Variants in FAM107B observed in about 807,000 individuals in gnomAD.
FAM107B encodes the protein protein FAM107B.
In FAM107B, 21 loss-of-function variants were observed where a neutral mutation model predicts 31.5. The observed-to-expected ratio is 0.67, with a 90% CI of 0.47 to 0.96. The LOEUF (loss-of-function observed/expected upper bound fraction) is 0.96, where lower values mean the gene tolerates loss of function less well. Among genes scored for constraint, FAM107B ranks in the 40% least tolerant of loss-of-function variants. The pLI is 0.00. For synonymous variants in FAM107B, 157 were observed against 141.5 expected, an observed-to-expected ratio of 1.11 and a Z score of -0.78; for missense variants, 452 against 377.1, an observed-to-expected ratio of 1.20 and a Z score of -1.64.
intron 2 of FAM107B, among the ~76,000 whole-genome samples, chr10:14,601,475 CT>C (rs1245001191): frequency 1.3e-5 from 2 of 152,150 alleles, no homozygotes; most frequent in Admixed American, 1.3e-4. Context: ...GACAAGGGAA[CT>C]ATACAAGGAA....
chr10:14,667,972 G>C (rs1030800658), intron 1 of FAM107B, among the ~76,000 whole-genome samples: 4 of 152,100 alleles, frequency 2.6e-5, no homozygotes, highest in Non-Finnish European at 4.4e-5. Context: ...CAACCCAGGG[G>C]CCCCCTGTGA....
chr10:14,563,400 T>G (rs1266195031), intron 2 of FAM107B, among the ~76,000 whole-genome samples: 1 of 152,248 alleles, frequency 6.6e-6, no homozygotes, highest in Non-Finnish European at 1.5e-5. Context: ...CACACCTCTT[T>G]TCATTTTTTA....
intron 2 of FAM107B, among the ~76,000 whole-genome samples, chr10:14,655,401 A>G (rs577959356): frequency 4.6e-5 from 7 of 152,132 alleles, no homozygotes; most frequent in African/African-American, 7.2e-5. Flanking sequence ...TTTTTTTTCT[A>G]TCTCAGCCTC....
intron 1 of FAM107B, among the ~76,000 whole-genome samples, chr10:14,702,417 G>A (rs1477349510): frequency 6.6e-6 from 1 of 152,044 alleles, no homozygotes; most frequent in Non-Finnish European, 1.5e-5. Flanking sequence ...GCAATGGCAC[G>A]ATCTTGGCTC....
chr10:14,578,457 C>G (rs1014885201), intron 2 of FAM107B, among the ~76,000 whole-genome samples: 1 of 152,178 alleles, frequency 6.6e-6, no homozygotes, highest in Non-Finnish European at 1.5e-5. Context: ...TTCGGAGATT[C>G]TGAAATAACA....
chr10:14,693,158 T>C (rs1443858642), intron 1 of FAM107B, among the ~76,000 whole-genome samples: 2 of 152,214 alleles, frequency 1.3e-5, no homozygotes, highest in East Asian at 3.8e-4. Flanking sequence ...GTGTGTTTTT[T>C]AAATATAACT....
intron 2 of FAM107B, among the ~76,000 whole-genome samples, chr10:14,588,550 C>G (rs915241526): frequency 4.6e-5 from 7 of 152,130 alleles, no homozygotes; most frequent in Non-Finnish European, 8.8e-5. Flanking sequence ...CCATAAACCC[C>G]CGGAGGCACC....
intron 2 of FAM107B, among the ~76,000 whole-genome samples, chr10:14,622,495 C>T (rs188247039): frequency 2.6e-5 from 4 of 151,858 alleles, no homozygotes; most frequent in South Asian, 2.1e-4. Flanking sequence ...TTAGTAGAGA[C>T]GGGGTTTCAC....
chr10:14,538,076 A>T (rs906286788), intron 2 of FAM107B, among the ~76,000 whole-genome samples: 1 of 152,160 alleles, frequency 6.6e-6, no homozygotes, highest in African/African-American at 2.4e-5. Flanking sequence ...GGGATGATGG[A>T]TGGACGAACC....
intron 1 of FAM107B, among the ~76,000 whole-genome samples, chr10:14,713,939 A>G (rs1184077589): frequency 5.3e-5 from 8 of 152,286 alleles, no homozygotes; most frequent in Admixed American, 2.0e-4. Flanking sequence ...TAGAAAACCA[A>G]ATACTGCATG....
intron 2 of FAM107B, among the ~76,000 whole-genome samples, chr10:14,627,768 G>A (rs1853202878): frequency 6.6e-6 from 1 of 151,908 alleles, no homozygotes; most frequent in South Asian, 2.1e-4. Flanking sequence ...GTGAAACCCT[G>A]TCTCTATAAA....
intron 2 of FAM107B, among the ~76,000 whole-genome samples, chr10:14,659,754 G>C (rs887227591): frequency 6.6e-6 from 1 of 152,152 alleles, no homozygotes; most frequent in Admixed American, 6.5e-5. Context: ...AATGGGTCTC[G>C]TTTTGTCACC....
chr10:14,683,192 G>T (rs1372703822), intron 1 of FAM107B, among the ~76,000 whole-genome samples: 1 of 151,626 alleles, frequency 6.6e-6, no homozygotes, highest in African/African-American at 2.4e-5. Flanking sequence ...GCCCCTTGCT[G>T]GTCTTGCTGG....
chr10:14,739,856 CAG>C (rs1856395957), intron 1 of FAM107B, among the ~76,000 whole-genome samples: 1 of 152,156 alleles, frequency 6.6e-6, no homozygotes, highest in Admixed American at 6.5e-5. Context: ...AGCCGAGACA[CAG>C]AAGGAGCAAG....
chr10:14,544,866 C>T lies in FAM107B; in HGVS notation c.470-14351G>A, dbSNP rs554205898. 3.9e-4 allele frequency among the ~76,000 whole-genome samples: 59 copies of T among 152,262 alleles called. No homozygotes were observed. In the South Asian group the frequency reaches 4.1e-3, roughly 11 times the overall value. ...CACTAAATAGGAGAAAAACATTAGG[C>T]TCCAAACAGTATGCCCTTTACTTTG... On this transcript the variant is annotated intron_variant, in intron 2 of 4. Transcript: ENST00000181796.
intron 1 of FAM107B, among the ~76,000 whole-genome samples, chr10:14,772,362 A>AAATATATATAT (rs10651238): frequency 6.9e-5 from 10 of 145,590 alleles, no homozygotes; most frequent in African/African-American, 2.1e-4. Flanking sequence ...TTAAAAAAAA[A>AAATATATATAT]ATATATATAT....
intron 2 of FAM107B, among the ~76,000 whole-genome samples, chr10:14,652,462 G>T (rs1048961167): frequency 1.3e-5 from 2 of 152,212 alleles, no homozygotes; most frequent in African/African-American, 4.8e-5. Context: ...ACCAGGCCTG[G>T]ACTGAGTCCT....
intron 1 of FAM107B, among the ~76,000 whole-genome samples, chr10:14,716,917 C>A (rs1456162752): frequency 6.6e-6 from 1 of 151,976 alleles, no homozygotes; most frequent in Admixed American, 6.6e-5. Context: ...TGGTGAAACC[C>A]CGTCTCTACT....
intron 2 of FAM107B, chr10:14,571,711 G>T: frequency 1.1e-6 from 1 of 917,094 alleles, no homozygotes; most frequent in Non-Finnish European, 1.3e-6. Context: ...ATTTTCTAGA[G>T]AAGGACTACA....
Sources: gnomAD v4.1 joint callset for allele counts (sites outside exome capture counted in the v4.1 genomes callset) on GRCh38, gnomAD v4.1.1 for gene constraint, MANE v1.5 for transcripts, NCBI Gene and HGNC (gene_info 2026-07-23, HGNC 2026-07-21) for gene names.